The following CAMK1D variants were observed in gnomAD, a reference collection of about 807,000 sequenced individuals.
CAMK1D encodes calcium/calmodulin dependent protein kinase ID, also known as calcium/calmodulin-dependent protein kinase type 1D.
CAMK1D carries 9 observed loss-of-function variants against 47.7 expected under a neutral mutation model. The observed-to-expected ratio is 0.19, with a 90% CI of 0.11 to 0.33. The LOEUF is 0.33. Among genes scored for constraint, CAMK1D ranks in the 10% least tolerant of loss-of-function variants. The probability of loss-of-function intolerance (pLI) is 1.00; values close to 1 mark genes in which losing one functional copy is unlikely to be tolerated. For synonymous variants in CAMK1D, 184 were observed against 184.9 expected (o/e 0.99, Z 0.04); for missense variants, 291 against 488.7 (o/e 0.60, Z 3.81).
intron 1 of CAMK1D, among the ~76,000 whole-genome samples, chr10:12,398,625 G>A (rs971956891): frequency 2.0e-5 from 3 of 152,022 alleles, no homozygotes; most frequent in African/African-American, 7.2e-5. Context: ...CTAGGATTAC[G>A]GGCATGAGCC....
intron 3 of CAMK1D, among the ~76,000 whole-genome samples, chr10:12,738,797 A>T (rs372213473): frequency 4.6e-5 from 7 of 152,098 alleles, no homozygotes; most frequent in African/African-American, 1.7e-4. Context: ...ACACCACTGC[A>T]CTCCAGCCTG....
chr10:12,591,248 A>G (rs1347953853), intron 2 of CAMK1D, among the ~76,000 whole-genome samples: 1 of 152,172 alleles, frequency 6.6e-6, no homozygotes, highest in Admixed American at 6.5e-5. Flanking sequence ...AGTCCAGGAA[A>G]CCAACCAATA....
chr10:12,522,101 A>G (rs1835434434), intron 1 of CAMK1D, among the ~76,000 whole-genome samples: 1 of 148,424 alleles, frequency 6.7e-6, no homozygotes, highest in African/African-American at 2.5e-5. Flanking sequence ...TGGGCCTACT[A>G]TTTTATTATT....
In CAMK1D at chr10:12,417,538, C is replaced by T. The variant is rs374097751; in HGVS notation, c.92+67628C>T. 1.6e-3 allele frequency among the ~76,000 whole-genome samples: 237 copies of T among 152,254 alleles called. 1 individual carries two copies. The highest frequency in any genetic ancestry group is 5.0e-3 in the African/African-American group (208 of 41,560). ...CTGCAGAGGGCAGCCTCTGGGGCTC[C>T]GGCTGGGGTGGGGAGATGGCTTGGC... On this transcript the variant is annotated intron_variant, in intron 1 of 10. Transcript: ENST00000619168.
intron 3 of CAMK1D, among the ~76,000 whole-genome samples, chr10:12,688,566 A>T (rs1336746297): frequency 6.6e-6 from 1 of 152,220 alleles, no homozygotes; most frequent in Non-Finnish European, 1.5e-5. Context: ...AGATCCACAA[A>T]GGAGGTCGTG....
chr10:12,475,724 T>G (rs531164585), intron 1 of CAMK1D, among the ~76,000 whole-genome samples: 1 of 152,206 alleles, frequency 6.6e-6, no homozygotes, highest in Admixed American at 6.5e-5. Context: ...CCTTCTCCCC[T>G]TTTTTTGCTG....
At chr10:12,422,670 A>AT (rs112592899) in intron 1 of CAMK1D, among the ~76,000 whole-genome samples, 170 of 146,260 alleles carry the variant, frequency 1.2e-3, no homozygotes, top group Middle Eastern at 3.6e-3. Context: ...GGTTAATATA[A>AT]TTTTTTTTTT....
In CAMK1D at chr10:12,829,099, T is replaced by G; in HGVS notation, c.*212T>G. The G allele has an allele frequency of 1.9e-6, 1 of 517,072 alleles. No individual in the cohort carries two copies. Among genetic ancestry groups the G allele is most frequent in the East Asian group, 3.4e-5 (1 of 29,232 alleles). 32.0% of individuals were successfully genotyped at this position (517,072 alleles called of 1,614,324 possible). A position where few individuals can be genotyped will look rare whatever the true frequency, so the allele number is the denominator to read the frequency against. On this transcript the variant is annotated 3_prime_UTR_variant, in exon 11 of 11. Coordinates refer to ENST00000619168, the MANE Select transcript of CAMK1D (RefSeq NM_153498.4). ...TGTACTGACTCGAGGGGCGCTGATT[T>G]CATAGGATCTGGTGCTGTATATACG...
At chr10:12,527,585 G>A (rs1835667981) in intron 1 of CAMK1D, among the ~76,000 whole-genome samples, 1 of 152,080 alleles carries the variant, frequency 6.6e-6, no homozygotes, top group Admixed American at 6.6e-5. Context: ...TCTGGCTGGT[G>A]TTGAGGTCTC....
intron 1 of CAMK1D, among the ~76,000 whole-genome samples, chr10:12,505,059 T>C (rs1269867506): frequency 6.6e-6 from 1 of 152,166 alleles, no homozygotes; most frequent in Non-Finnish European, 1.5e-5. Context: ...ATCATCATTT[T>C]GTTTTAGTTC....
rs530748767 is a variant in CAMK1D at position 12,654,061 on chromosome 10, T to C, written c.225-12675T>C. Among the ~76,000 whole-genome samples the C allele has an allele frequency of 5.3e-5, 8 of 152,350 alleles. No homozygotes were observed. In the South Asian group the frequency reaches 1.7e-3, roughly 32 times the overall value. Reference sequence around the variant, plus strand: ...TTCCCCTAGATTCCAGTGCATTATTTTGTTTCCCTTCCACTTACTTATCCT... The same window carrying C: ...TTCCCCTAGATTCCAGTGCATTATTCTGTTTCCCTTCCACTTACTTATCCT... On this transcript the variant is annotated intron_variant, in intron 2 of 10. Coordinates refer to ENST00000619168, the MANE Select transcript of CAMK1D (RefSeq NM_153498.4).
rs796786614 is a variant in CAMK1D, at chr10:12,694,440, AAAATATG to A, written c.299+27637_299+27643del. 1.0e-4 allele frequency among the ~76,000 whole-genome samples: 9 copies of A among 89,386 alleles called. No homozygotes were observed. The East Asian group carries it at 2.8e-3, about 28-fold the overall frequency. 58.6% of individuals were successfully genotyped at this position (89,386 alleles called of 152,430 possible). On this transcript the variant is annotated intron_variant, in intron 3 of 10. Transcript: ENST00000619168. The stretch of plus-strand genomic sequence containing the variant: ...AATATATATGTTATATATCATATAT[AAAATATG>A]AAATATATATGTTATATATCATATA...
intron 2 of CAMK1D, among the ~76,000 whole-genome samples, chr10:12,632,010 C>A (rs145136920): frequency 1.2e-3 from 186 of 152,246 alleles, no homozygotes; most frequent in Non-Finnish European, 2.0e-3. Context: ...CGCACCACAC[C>A]GTGCGAAGGC....
intron 6 of CAMK1D, among the ~76,000 whole-genome samples, chr10:12,799,661 C>T (rs986865400): frequency 7.2e-5 from 11 of 152,174 alleles, no homozygotes; most frequent in African/African-American, 2.2e-4. Context: ...CCCAGGTGTG[C>T]GCTCAGTTTC....
At chr10:12,798,631 G>A (rs1838293633) in intron 6 of CAMK1D, among the ~76,000 whole-genome samples, 1 of 152,186 alleles carries the variant, frequency 6.6e-6, no homozygotes, top group South Asian at 2.1e-4. Flanking sequence ...TGCCTAGAGA[G>A]ACTGATGGTT....
chr10:12,589,806 A>G (rs937143243), intron 2 of CAMK1D, among the ~76,000 whole-genome samples: 9 of 152,188 alleles, frequency 5.9e-5, no homozygotes, highest in African/African-American at 1.9e-4. Flanking sequence ...CCTTCATTGC[A>G]GTTATTTAGT....
At position 12,747,948 on chromosome 10, in the gene CAMK1D, C is replaced by G. The variant is rs1409444666; in HGVS notation, c.300-13000C>G. Reference sequence around the variant, plus strand: ...GGAAGTCAAATTTGCTATACTTTGTCTACCGGTTTAAATGTTAATCTCATC... The same window carrying G: ...GGAAGTCAAATTTGCTATACTTTGTGTACCGGTTTAAATGTTAATCTCATC... On this transcript the variant is annotated intron_variant, in intron 3 of 10. Transcript: ENST00000619168. Among the ~76,000 whole-genome samples the G allele has an allele frequency of 2.6e-5, 4 of 152,316 alleles. No homozygotes were observed. The East Asian group carries it at 7.7e-4, about 29-fold the overall frequency.
intron 2 of CAMK1D, among the ~76,000 whole-genome samples, chr10:12,603,071 C>T (rs1432741541): frequency 1.3e-5 from 2 of 151,904 alleles, no homozygotes; most frequent in African/African-American, 2.4e-5. Context: ...TCACTGCACC[C>T]GGCTAATTTT....
At chr10:12,694,583 TCA>T (rs1833179759) in intron 3 of CAMK1D, among the ~76,000 whole-genome samples, 2 of 84,710 alleles carry the variant, frequency 2.4e-5, no homozygotes, top group Admixed American at 1.4e-4. Context: ...TAAAAATATA[TCA>T]TATATAAATA....
Sources: gnomAD v4.1 joint callset for allele counts (sites outside exome capture counted in the v4.1 genomes callset) on GRCh38, gnomAD v4.1.1 for gene constraint, MANE v1.5 for transcripts, NCBI Gene and HGNC (gene_info 2026-07-23, HGNC 2026-07-21) for gene names.